UMAD1: variants seen among roughly 807,000 people sequenced by gnomAD.
The protein encoded by UMAD1 is UBAP1-MVB12-associated (UMA)-domain containing protein 1.
Under a neutral mutation model 6.1 loss-of-function variants are expected in UMAD1, and 8 were observed. The observed-to-expected ratio is 1.30, with a 90% CI of 0.76 to 2.35. The LOEUF (loss-of-function observed/expected upper bound fraction) is 2.35. Ranked by LOEUF, UMAD1 falls within the 30% of genes most tolerant of loss-of-function variation. UMAD1 has a pLI of 0.00. For synonymous variants in UMAD1, 56 were observed against 31.4 expected (o/e 1.78, Z -2.61); for missense variants, 130 against 78.4 (o/e 1.66, Z -2.49).
intron 1 of UMAD1, among the ~76,000 whole-genome samples, chr7:7,658,096 C>A (rs6955005): frequency 0.2 from 30,995 of 151,336 alleles, 3,679 homozygotes; most frequent in Middle Eastern, 0.37. Context: ...TTCACTCATG[C>A]TTTGGCTCTC....
At chr7:7,871,781 C>T (rs1035631661) in intron 3 of UMAD1, among the ~76,000 whole-genome samples, 6 of 151,402 alleles carry the variant, frequency 4.0e-5, no homozygotes, top group African/African-American at 7.3e-5. Flanking sequence ...TTTTACTGTA[C>T]TAGATATAGT....
chr7:7,787,835 T>A, intron 2 of UMAD1, among the ~76,000 whole-genome samples: 1 of 152,198 alleles, frequency 6.6e-6, no homozygotes, highest in East Asian at 1.9e-4. Flanking sequence ...TGATTGTAGA[T>A]CTCTCCTTAA....
intron 2 of UMAD1, among the ~76,000 whole-genome samples, chr7:7,710,819 C>T (rs1352873377): frequency 6.6e-6 from 1 of 152,164 alleles, no homozygotes; most frequent in Non-Finnish European, 1.5e-5. Context: ...ATGGTTAAAT[C>T]TATGGTATAT....
chr7:7,694,577 C>G (rs1780262754), intron 2 of UMAD1, among the ~76,000 whole-genome samples: 1 of 151,856 alleles, frequency 6.6e-6, no homozygotes, highest in Non-Finnish European at 1.5e-5. Flanking sequence ...ATTCTACTCT[C>G]TATCTCTCTG....
At position 7,706,001 on chromosome 7, in the gene UMAD1, T is replaced by C. The variant is rs28912698; in HGVS notation, c.82+32548T>C. 5.4e-4 allele frequency among the ~76,000 whole-genome samples: 82 copies of C among 152,288 alleles called. 2 individuals carry two copies. In the East Asian group the frequency reaches 0.015, roughly 28 times the overall value. ...AAAAGGTATGTGTACTCTATAATCTTTTATTAGAAATCTTTGTTGCTATTT... is the reference window on the plus strand; with the variant it reads ...AAAAGGTATGTGTACTCTATAATCTCTTATTAGAAATCTTTGTTGCTATTT... On this transcript the variant is annotated intron_variant, in intron 2 of 3. Coordinates refer to ENST00000682710, the MANE Select transcript of UMAD1 (RefSeq NM_001302348.2).
At chr7:7,857,242 C>T (rs1289369513) in intron 3 of UMAD1, among the ~76,000 whole-genome samples, 1 of 152,186 alleles carries the variant, frequency 6.6e-6, no homozygotes, top group African/African-American at 2.4e-5. Context: ...AGTTAAGGGT[C>T]CACCCGGGAG....
intron 1 of UMAD1, among the ~76,000 whole-genome samples, chr7:7,645,538 G>T (rs928306333): frequency 6.6e-6 from 1 of 152,146 alleles, no homozygotes; most frequent in Admixed American, 6.5e-5. Flanking sequence ...AAGTGGACCC[G>T]CATTCAGCTT....
chr7:7,824,826 T>C (rs1387117449), intron 3 of UMAD1, among the ~76,000 whole-genome samples: 1 of 152,208 alleles, frequency 6.6e-6, no homozygotes, highest in Non-Finnish European at 1.5e-5. Context: ...GTCCTGTGTA[T>C]TAGCCGCTCA....
At chr7:7,855,722 T>A (rs1352076907) in intron 3 of UMAD1, among the ~76,000 whole-genome samples, 4 of 152,252 alleles carry the variant, frequency 2.6e-5, no homozygotes, top group Non-Finnish European at 5.9e-5. Context: ...GGCTTCTCAT[T>A]ACTTATGCAA....
chr7:7,644,443 C>A (rs1385005114), intron 1 of UMAD1, among the ~76,000 whole-genome samples: 3 of 150,838 alleles, frequency 2.0e-5, no homozygotes, highest in Admixed American at 6.6e-5. Context: ...CCATTAAAAT[C>A]TCATTTATGA....
At chr7:7,747,256 A>G (rs1318930066) in intron 2 of UMAD1, among the ~76,000 whole-genome samples, 1 of 152,212 alleles carries the variant, frequency 6.6e-6, no homozygotes, top group Non-Finnish European at 1.5e-5. Context: ...AGGCCCCACT[A>G]CAGTTAAGTA....
intron 2 of UMAD1, among the ~76,000 whole-genome samples, chr7:7,795,894 T>A (rs531320668): frequency 6.6e-6 from 1 of 152,212 alleles, no homozygotes; most frequent in East Asian, 1.9e-4. Context: ...TTGTGATGTT[T>A]ATCTTGTGAC....
chr7:7,804,840 G>A (rs556911398), intron 3 of UMAD1, among the ~76,000 whole-genome samples: 1 of 151,924 alleles, frequency 6.6e-6, no homozygotes, highest in East Asian at 1.9e-4. Context: ...AATTAGCTGG[G>A]CACGGTGGCC....
At chr7:7,756,527 A>G (rs1393057992) in intron 2 of UMAD1, among the ~76,000 whole-genome samples, 2 of 152,218 alleles carry the variant, frequency 1.3e-5, no homozygotes, top group Non-Finnish European at 2.9e-5. Context: ...GCCTCATCTT[A>G]GACCAGCCGC....
At chr7:7,823,637 T>A (rs1368078510) in intron 3 of UMAD1, among the ~76,000 whole-genome samples, 1 of 152,180 alleles carries the variant, frequency 6.6e-6, no homozygotes, top group Non-Finnish European at 1.5e-5. Context: ...CTTTTCATTT[T>A]TTAAAAAAGA....
intron 2 of UMAD1, among the ~76,000 whole-genome samples, chr7:7,709,041 A>G (rs1297280919): frequency 3.9e-5 from 6 of 152,090 alleles, no homozygotes. Flanking sequence ...AGTCCTAACT[A>G]TTAAAAATAC....
chr7:7,846,832 C>G (rs897221273), intron 3 of UMAD1, among the ~76,000 whole-genome samples: 1 of 141,610 alleles, frequency 7.1e-6, no homozygotes, highest in Non-Finnish European at 1.5e-5. Flanking sequence ...CGCATATTCT[C>G]ACTCATAGGT....
At chr7:7,661,559 G>C (rs535409179) in intron 1 of UMAD1, among the ~76,000 whole-genome samples, 1 of 152,218 alleles carries the variant, frequency 6.6e-6, no homozygotes. Context: ...CTTCTGACAG[G>C]CCCGTGTGCT....
At chr7:7,786,122 G>A (rs906739055) in intron 2 of UMAD1, among the ~76,000 whole-genome samples, 6 of 152,100 alleles carry the variant, frequency 3.9e-5, no homozygotes, top group Admixed American at 2.0e-4. Flanking sequence ...AAAAGCAAGG[G>A]CATCTCCTAC....
Sources: gnomAD v4.1 joint callset for allele counts (sites outside exome capture counted in the v4.1 genomes callset) on GRCh38, gnomAD v4.1.1 for gene constraint, MANE v1.5 for transcripts, NCBI Gene and HGNC (gene_info 2026-07-23, HGNC 2026-07-21) for gene names.